Variants in AKR1B15 observed in about 807,000 individuals in gnomAD.
The protein encoded by AKR1B15 is aldo-keto reductase family 1 member B15, also known as estradiol 17-beta-dehydrogenase AKR1B15.
A neutral mutation model predicts 38.5 loss-of-function variants in AKR1B15; 49 were observed. The observed-to-expected ratio is 1.27, with a 90% CI of 1.01 to 1.62. AKR1B15 has a LOEUF of 1.62. Ranked by LOEUF, AKR1B15 falls within the 40% of genes most tolerant of loss-of-function variation. The probability of loss-of-function intolerance (pLI) is 0.00; values close to 1 mark genes in which losing one functional copy is unlikely to be tolerated. For missense variants in AKR1B15, 411 were observed against 381.6 expected, an observed-to-expected ratio of 1.08 and a Z score of -0.64; for synonymous variants, 137 against 135.5, an observed-to-expected ratio of 1.01 and a Z score of -0.08.
At chr7:134,552,008 C>T (rs1794000337) in intron 1 of AKR1B15, among the ~76,000 whole-genome samples, 2 of 152,158 alleles carry the variant, frequency 1.3e-5, no homozygotes, top group Non-Finnish European at 2.9e-5. Flanking sequence ...GGGTGGAACA[C>T]TCAGTACTCC....
rs778780186 is a variant in AKR1B15 at position 134,576,444 on chromosome 7, AT to A, written c.825+19del. On this transcript the variant is annotated intron_variant, in intron 9 of 11. Transcript: ENST00000457545. ...ACCACAGCCCAGGTACCATATTTTT[AT>A]TTTTCTTGTTATCCAACCACTCATG... 6.2e-7 allele frequency: 1 copy of A among 1,613,390 alleles called. No individual in the cohort carries two copies. Among genetic ancestry groups the A allele is most frequent in the Non-Finnish European group, 8.5e-7 (1 of 1,179,578 alleles).
chr7:134,564,279 A>C (rs1191232090), intron 2 of AKR1B15, among the ~76,000 whole-genome samples: 1 of 152,202 alleles, frequency 6.6e-6, no homozygotes, highest in African/African-American at 2.4e-5. Context: ...CTACAGTTCT[A>C]AATAGACTCT....
chr7:134,558,736 T>C (rs1398135202), intron 2 of AKR1B15, among the ~76,000 whole-genome samples: 2 of 152,214 alleles, frequency 1.3e-5, no homozygotes, highest in Non-Finnish European at 2.9e-5. Context: ...TTACACTCCA[T>C]TGCTGACATC....
In AKR1B15 at chr7:134,562,815, TCTTC is replaced by T. The variant is rs200713799; in HGVS notation, c.-22-1771_-22-1768del. On this transcript the variant is annotated intron_variant, in intron 2 of 11. Transcript: ENST00000457545. ...CTTTTCTTTCTTTCCTTCCTTCCTT[TCTTC>T]CTTCCTTCCTTTCTCTTTCTTTCTT... Among the ~76,000 whole-genome samples the T allele has an allele frequency of 5.4e-3, 798 of 146,758 alleles. 13 individuals are homozygous for T. Among genetic ancestry groups the T allele is most frequent in the African/African-American group, 0.019 (712 of 37,034 alleles).
intron 2 of AKR1B15, among the ~76,000 whole-genome samples, chr7:134,562,840 T>TTC (rs1233826141): frequency 4.2e-5 from 2 of 47,646 alleles, no homozygotes; most frequent in South Asian, 1.0e-3. Flanking sequence ...TTCTCTTTCT[T>TTC]TCTTTCTTTC....
chr7:134,561,737 C>T (rs1423610885), intron 2 of AKR1B15, among the ~76,000 whole-genome samples: 6 of 151,972 alleles, frequency 3.9e-5, no homozygotes, highest in Non-Finnish European at 8.8e-5. Flanking sequence ...GATGCTGTGA[C>T]GTGGCCCTGG....
intron 9 of AKR1B15, 122 bp downstream of exon 9, chr7:134,576,552 A>C (rs1268458637): frequency 8.4e-7 from 1 of 1,190,746 alleles, no homozygotes; most frequent in Non-Finnish European, 1.2e-6. Flanking sequence ...AAGCCCTCTA[A>C]AGTATTTCCT....
chr7:134,573,341 C>G, intron 6 of AKR1B15: 1 of 984,604 alleles, frequency 1.0e-6, no homozygotes, highest in Non-Finnish European at 1.2e-6. Context: ...GTTTGCATTA[C>G]ATTTGATCTG....
intron 6 of AKR1B15, chr7:134,573,659 T>G (rs1794708017): frequency 8.3e-6 from 4 of 484,748 alleles, no homozygotes; most frequent in Non-Finnish European, 1.1e-5. Context: ...AAAACTAACC[T>G]GACCTATGAT....
chr7:134,568,292 T>C lies in AKR1B15; in HGVS notation c.285T>C (p.Ala95=). Residue 95 remains alanine (A), a synonymous_variant, in exon 4 of 12, where the codon GCT becomes GCC. Transcript: ENST00000457545. ...EAIQEKIQEK[A]VMREDLFIVS... is the part of the protein sequence containing the mutation. ...TCCAAGAGAAGATCCAAGAGAAGGC[T>C]GTGATGCGGGAGGACCTGTTCATCG... 1.2e-6 allele frequency: 2 copies of C among 1,614,084 alleles called. No individual in the cohort carries two copies.
chr7:134,565,120 G>A (rs1044781367), intron 3 of AKR1B15: 7 of 314,626 alleles, frequency 2.2e-5, no homozygotes, highest in African/African-American at 4.2e-5. Flanking sequence ...GCAGGGAACC[G>A]CTCAGATACC....
At chr7:134,566,504 G>C (rs1794538538) in intron 3 of AKR1B15, among the ~76,000 whole-genome samples, 1 of 152,168 alleles carries the variant, frequency 6.6e-6, no homozygotes, top group South Asian at 2.1e-4. Context: ...GCACATTGAG[G>C]ACTCAGTGAG....
At chr7:134,562,386 A>G (rs527368417) in intron 2 of AKR1B15, among the ~76,000 whole-genome samples, 1 of 151,742 alleles carries the variant, frequency 6.6e-6, no homozygotes, top group South Asian at 2.1e-4. Context: ...ATTTGTCCCT[A>G]CCCACTTCCT....
Position 134,575,506 on chromosome 7 carries a change from C to G in AKR1B15, c.600C>G (p.Asn200Lys). The G allele has an allele frequency of 1.2e-6, 2 of 1,613,874 alleles. No homozygotes were observed. Among genetic ancestry groups the G allele is most frequent in the Non-Finnish European group, 1.7e-6 (2 of 1,179,818 alleles). ...FNHFQIERLL[N>K]KPGLKYKPVT... is the part of the protein sequence containing the mutation. ...ACTTCCAGATCGAGAGGCTCTTGAA[C>G]AAACCTGGACTGAAATATAAACCAG... is the stretch of plus-strand genomic sequence containing the variant. The change falls in exon 7 of 12, where the codon AAC (asparagine) becomes AAG (lysine). Residue 200 changes from asparagine to lysine, a missense_variant. Coordinates refer to ENST00000457545, the MANE Select transcript of AKR1B15 (RefSeq NM_001080538.3).
Position 134,576,986 on chromosome 7 carries a change from G to A in AKR1B15, c.849G>A (p.Gln283=). 1 of 1,613,942 alleles carries A rather than the reference G, an allele frequency of 6.2e-7. No homozygotes were observed. Among genetic ancestry groups the A allele is most frequent in the Non-Finnish European group, 8.5e-7 (1 of 1,179,838 alleles). ...AGGTTCTGATCCGTTTCCATATCCAGAGGAATGTGACAGTGATCCCCAAGT... is the reference window on the plus strand; with the variant it reads ...AGGTTCTGATCCGTTTCCATATCCAAAGGAATGTGACAGTGATCCCCAAGT... ...TAQVLIRFHI[Q]RNVTVIPKSM... The change falls in exon 10 of 12, where the codon CAG becomes CAA. Residue 283 remains glutamine, a synonymous_variant. Transcript: ENST00000457545.
rs563865203 is a variant in AKR1B15 at position 134,574,011 on chromosome 7, G to T, written c.514-1409G>T. Reference sequence around the variant, plus strand: ...GACTCCTGGGCTCAAGTAAACCTCTGAAGTAGCTGGGATCAGAGGCACACG... The same window carrying T: ...GACTCCTGGGCTCAAGTAAACCTCTTAAGTAGCTGGGATCAGAGGCACACG... On this transcript the variant is annotated intron_variant, in intron 6 of 11. Coordinates refer to ENST00000457545, the MANE Select transcript of AKR1B15 (RefSeq NM_001080538.3). 2.0e-5 allele frequency among the ~76,000 whole-genome samples: 3 copies of T among 152,234 alleles called. No individual in the cohort carries two copies. The East Asian group carries it at 5.8e-4, about 29-fold the overall frequency.
intron 2 of AKR1B15, among the ~76,000 whole-genome samples, chr7:134,563,217 G>C (rs1794461441): frequency 6.6e-6 from 1 of 152,122 alleles, no homozygotes; most frequent in African/African-American, 2.4e-5. Flanking sequence ...TTTGGACAGG[G>C]CAGGGAAGCT....
chr7:134,564,925 C>G, intron 3 of AKR1B15, 156 bp downstream of exon 3: 2 of 487,932 alleles, frequency 4.1e-6, no homozygotes, highest in Non-Finnish European at 7.3e-6. Context: ...ATGCACCAAT[C>G]AGTGCTCTGT....
intron 2 of AKR1B15, among the ~76,000 whole-genome samples, chr7:134,559,005 C>T (rs188289773): frequency 4.4e-4 from 67 of 152,282 alleles, no homozygotes; most frequent in Middle Eastern, 6.8e-3. Flanking sequence ...ATGGACTCAT[C>T]ACACCCGAGT....
Sources: allele counts gnomAD v4.1 joint callset (sites outside exome capture counted in the v4.1 genomes callset), GRCh38; gene constraint gnomAD v4.1.1; transcripts MANE v1.5; gene names NCBI Gene and HGNC (gene_info 2026-07-23, HGNC 2026-07-21).